Variants in RIMS2 observed in about 807,000 individuals in gnomAD.
RIMS2 encodes the protein regulating synaptic membrane exocytosis protein 2.
In RIMS2, 59 loss-of-function variants were observed where a neutral mutation model predicts 174.4. The observed-to-expected ratio is 0.34, with a 90% confidence interval of 0.27 to 0.42. RIMS2 has a LOEUF of 0.42. Among genes scored for constraint, RIMS2 ranks in the 10% least tolerant of loss-of-function variants. RIMS2 has a pLI of 1.00. For missense variants in RIMS2, 1,620 were observed against 1,666.3 expected, an observed-to-expected ratio of 0.97 and a Z score of 0.48; for synonymous variants, 606 against 572.5, an observed-to-expected ratio of 1.06 and a Z score of -0.84.
rs371067340 is a variant in RIMS2 at position 103,766,374 on chromosome 8, A to C, written c.535A>C (p.Lys179Gln). ...AAGAAATGAGGAGGCACCTCAGGAG[A>C]AGAAACCAAAACTACATGAGCAGAC... The change falls in exon 3 of 24, where the codon AAG (lysine) becomes CAG (glutamine). Residue 179 changes from lysine to glutamine, a missense_variant. Around this residue, in one of 2 missense-constraint regions of RIMS2, gnomAD observed 1,395 missense variants for 1,360.1 expected, o/e 1.03. Coordinates refer to ENST00000504942, the Ensembl canonical transcript of RIMS2. 21 of 1,613,810 alleles carry C rather than the reference A, an allele frequency of 1.3e-5. No individual in the cohort carries two copies. Among genetic ancestry groups the C allele is most frequent in the Non-Finnish European group, 1.3e-5 (15 of 1,179,862 alleles).
intron 13 of RIMS2, among the ~76,000 whole-genome samples, chr8:103,939,565 G>A (rs193212808): frequency 3.9e-5 from 6 of 152,314 alleles, no homozygotes; most frequent in South Asian, 2.1e-4. Context: ...TCCACATTGC[G>A]GATAGGCGAT....
chr8:103,833,705 T>G (rs1307527144), intron 3 of RIMS2, among the ~76,000 whole-genome samples: 1 of 152,150 alleles, frequency 6.6e-6, no homozygotes, highest in Non-Finnish European at 1.5e-5. Context: ...TTATTTTTTA[T>G]AGCCACTATA....
intron 19 of RIMS2, among the ~76,000 whole-genome samples, chr8:104,113,946 C>CA (rs1056042358): frequency 1.3e-5 from 2 of 151,506 alleles, no homozygotes; most frequent in African/African-American, 2.4e-5. Context: ...TAATGGCATA[C>CA]AAAAAAATAA....
intron 14 of RIMS2, among the ~76,000 whole-genome samples, chr8:103,955,859 G>A (rs2087010031): frequency 6.6e-6 from 1 of 152,188 alleles, no homozygotes; most frequent in South Asian, 2.1e-4. Context: ...ACCCCATCAT[G>A]TCAGCCCAAA....
At chr8:104,089,168 C>T (rs1293778150) in intron 19 of RIMS2, among the ~76,000 whole-genome samples, 1 of 151,906 alleles carries the variant, frequency 6.6e-6, no homozygotes, top group Non-Finnish European at 1.5e-5. Context: ...GAATGGTTAA[C>T]AGGCCATTCA....
intron 22 of RIMS2, 129 bp from the exon 29 acceptor site, chr8:104,250,895 C>A: frequency 2.7e-6 from 2 of 746,438 alleles, no homozygotes; most frequent in Non-Finnish European, 4.5e-6. Flanking sequence ...TGACAGAATG[C>A]AGCTAGGCCA....
chr8:103,600,078 ACTCT>A (rs1205409625), intron 1 of RIMS2, among the ~76,000 whole-genome samples: 3 of 151,560 alleles, frequency 2.0e-5, no homozygotes, highest in African/African-American at 4.8e-5. Flanking sequence ...CCCTCCTTCT[ACTCT>A]CTATCTCCCA....
intron 19 of RIMS2, among the ~76,000 whole-genome samples, chr8:104,095,540 T>C (rs1354720122): frequency 6.6e-6 from 1 of 152,126 alleles, no homozygotes. Flanking sequence ...AGTAAGTAAG[T>C]ATGAAGCTAT....
At chr8:104,139,659 T>G (rs2098550431) in intron 19 of RIMS2, among the ~76,000 whole-genome samples, 1 of 152,312 alleles carries the variant, frequency 6.6e-6, no homozygotes, top group Admixed American at 6.5e-5. Context: ...ATAGTTTTTT[T>G]GGTGTAGTCT....
At chr8:103,690,215 C>T (rs1488233397) in intron 1 of RIMS2, among the ~76,000 whole-genome samples, 1 of 152,156 alleles carries the variant, frequency 6.6e-6, no homozygotes, top group East Asian at 1.9e-4. Flanking sequence ...CCCCCCACCT[C>T]AGCTTCCTGA....
At chr8:103,619,250 G>T (rs1991283) in intron 1 of RIMS2, among the ~76,000 whole-genome samples, 53,782 of 148,430 alleles carry the variant, frequency 0.36, 10,258 homozygotes, top group East Asian at 0.77. Context: ...ATTAGTGTCT[G>T]TTCTGTAAAA....
chr8:103,849,980 G>A (rs1020839266), intron 3 of RIMS2, among the ~76,000 whole-genome samples: 5 of 151,988 alleles, frequency 3.3e-5, no homozygotes, highest in Non-Finnish European at 7.4e-5. Flanking sequence ...TCCTAATATA[G>A]CTGTTTACAC....
intron 1 of RIMS2, among the ~76,000 whole-genome samples, chr8:103,513,537 G>A (rs962487718): frequency 2.6e-5 from 4 of 152,112 alleles, no homozygotes; most frequent in African/African-American, 9.7e-5. Context: ...TTTCTCTCGT[G>A]AAACATATGA....
intron 19 of RIMS2, among the ~76,000 whole-genome samples, chr8:104,092,127 G>A (rs1267022394): frequency 1.3e-5 from 2 of 151,722 alleles, no homozygotes; most frequent in East Asian, 3.9e-4. Context: ...GGTTTTGGGA[G>A]AAAACAATCA....
At chr8:104,000,168 T>C (rs147880541) in intron 17 of RIMS2, among the ~76,000 whole-genome samples, 1 of 151,656 alleles carries the variant, frequency 6.6e-6, no homozygotes, top group African/African-American at 2.4e-5. Flanking sequence ...TAAAAAATAT[T>C]TTGTACCCAT....
chr8:104,119,618 T>G (rs1386424166), intron 19 of RIMS2, among the ~76,000 whole-genome samples: 1 of 152,218 alleles, frequency 6.6e-6, no homozygotes, highest in East Asian at 1.9e-4. Flanking sequence ...TGTTTACTTT[T>G]AAATTTGGTT....
At chr8:104,060,434 A>G (rs1488051707) in intron 19 of RIMS2, among the ~76,000 whole-genome samples, 1 of 151,842 alleles carries the variant, frequency 6.6e-6, no homozygotes, top group South Asian at 2.1e-4. Flanking sequence ...TATCATTTTT[A>G]TTGCGTCTAT....
intron 1 of RIMS2, among the ~76,000 whole-genome samples, chr8:103,579,302 C>CAA (rs2093462402): frequency 6.6e-6 from 1 of 151,712 alleles, no homozygotes; most frequent in African/African-American, 2.4e-5. Flanking sequence ...CACACACACA[C>CAA]ACACACGAAA....
chr8:103,885,154 C>G, intron 3 of RIMS2, 144 bp from the exon 7 acceptor site: 1 of 1,200,428 alleles, frequency 8.3e-7, no homozygotes, highest in Non-Finnish European at 1.1e-6. Context: ...ACTACTAAAA[C>G]CATTGTTACG....
Sources: gnomAD v4.1 joint callset for allele counts (sites outside exome capture counted in the v4.1 genomes callset) on GRCh38, gnomAD v4.1.1 for gene constraint, gnomAD v4.1.1 regional missense constraint, MANE v1.5 for transcripts, NCBI Gene and HGNC (gene_info 2026-07-23, HGNC 2026-07-21) for gene names.